TOX2: variants seen among roughly 807,000 people sequenced by gnomAD.
TOX2 encodes the protein granulosa cell HMG box 1.
Under a neutral mutation model 47.4 loss-of-function variants are expected in TOX2, and 15 were observed. That is an observed-to-expected ratio of 0.32 (90% CI 0.21 to 0.49). The LOEUF (loss-of-function observed/expected upper bound fraction) is 0.49. Among genes scored for constraint, TOX2 ranks in the 20% least tolerant of loss-of-function variants. The pLI is 0.99. For missense variants in TOX2, 622 were observed against 673.1 expected, an observed-to-expected ratio of 0.92 and a Z score of 0.84; for synonymous variants, 290 against 296.6, an observed-to-expected ratio of 0.98 and a Z score of 0.23.
intron 1 of TOX2, among the ~76,000 whole-genome samples, chr20:43,964,956 C>T (rs1242359999): frequency 6.6e-6 from 1 of 152,184 alleles, no homozygotes; most frequent in African/African-American, 2.4e-5. Context: ...TGGAAAGACC[C>T]TCTGCCTTGC....
At chr20:44,014,815 C>T (rs1221280099) in intron 3 of TOX2, among the ~76,000 whole-genome samples, 1 of 152,122 alleles carries the variant, frequency 6.6e-6, no homozygotes, top group Non-Finnish European at 1.5e-5. Flanking sequence ...TGACCTGCTG[C>T]TTACCAACTT....
In TOX2 at chr20:43,995,577, G is replaced by T. The variant is rs532983637; in HGVS notation, c.166-10970G>T. Among the ~76,000 whole-genome samples the T allele has an allele frequency of 3.9e-5, 6 of 152,290 alleles. No individual in the cohort carries two copies. In the South Asian group the frequency reaches 8.3e-4, roughly 21 times the overall value. On this transcript the variant is annotated intron_variant, in intron 2 of 8. Transcript: ENST00000341197. ...GAAGGTTTGTTATATAGGTAAGCTT[G>T]TGTCGTGGGGATTTGATGTACGGAT...
Position 43,915,622 on chromosome 20 carries a change from C to T in TOX2, c.99+632C>T, listed in dbSNP as rs2145822484. The stretch of plus-strand genomic sequence containing the variant: ...GCCACACAGTCACACGCGGTCACAC[C>T]CAGGGACGGCCACACCTCGGTCATC... On this transcript the variant is annotated intron_variant, in intron 1 of 8. Coordinates refer to ENST00000341197, the MANE Select transcript of TOX2 (RefSeq NM_001098797.2). This position sits in a 1 kb window ranked among gnomAD's most constrained non-coding sequence, Gnocchi z 7.1. 6.6e-6 allele frequency among the ~76,000 whole-genome samples: 1 copy of T among 152,256 alleles called. No homozygotes were observed. Among genetic ancestry groups the T allele is most frequent in the South Asian group, 2.1e-4 (1 of 4,820 alleles).
chr20:43,927,634 TCCTTCCTC>T (rs1569003529), intron 1 of TOX2, among the ~76,000 whole-genome samples: 27 of 129,974 alleles, frequency 2.1e-4, no homozygotes, highest in African/African-American at 6.6e-4. Flanking sequence ...CCTCCTTCCT[TCCTTCCTC>T]CCCTTCCCTT....
chr20:43,950,470 T>G (rs2069543421), intron 1 of TOX2, among the ~76,000 whole-genome samples: 1 of 152,108 alleles, frequency 6.6e-6, no homozygotes, highest in Admixed American at 6.5e-5. Context: ...CAGTTGCCTC[T>G]CTGGCCTCCC....
At chr20:43,961,939 C>T (rs1223985861) in intron 1 of TOX2, among the ~76,000 whole-genome samples, 1 of 152,226 alleles carries the variant, frequency 6.6e-6, no homozygotes, top group Non-Finnish European at 1.5e-5. Context: ...AGCCCAGCTC[C>T]CTCCAGCCCC....
At chr20:43,992,108 G>A (rs1392198356) in intron 2 of TOX2, among the ~76,000 whole-genome samples, 2 of 152,334 alleles carry the variant, frequency 1.3e-5, no homozygotes, top group Non-Finnish European at 2.9e-5. Context: ...TTGAAGGGGC[G>A]AGGGAGTTGA....
chr20:44,046,456 G>A (rs1240430644), intron 3 of TOX2, among the ~76,000 whole-genome samples: 1 of 152,186 alleles, frequency 6.6e-6, no homozygotes, highest in Non-Finnish European at 1.5e-5. Flanking sequence ...TTGGAATTCT[G>A]GATGTCTACT....
chr20:43,978,037 G>T (rs1190523879), intron 2 of TOX2, among the ~76,000 whole-genome samples: 2 of 152,160 alleles, frequency 1.3e-5, no homozygotes, highest in African/African-American at 4.8e-5. Context: ...GGGAGGAGTA[G>T]CAGCGTCTGC....
chr20:43,942,843 T>G (rs2069418631), intron 1 of TOX2, among the ~76,000 whole-genome samples: 1 of 152,194 alleles, frequency 6.6e-6, no homozygotes, highest in Non-Finnish European at 1.5e-5. Flanking sequence ...CTCTCTTTGT[T>G]TTGAACCGTA....
intron 1 of TOX2, among the ~76,000 whole-genome samples, chr20:43,942,850 C>T (rs1003594076): frequency 6.6e-6 from 1 of 152,108 alleles, no homozygotes; most frequent in Non-Finnish European, 1.5e-5. Flanking sequence ...TGTTTTGAAC[C>T]GTAACCATCA....
intron 4 of TOX2, among the ~76,000 whole-genome samples, chr20:44,052,383 AGGGCCTC>A (rs538419527): frequency 2.6e-5 from 4 of 152,314 alleles, no homozygotes; most frequent in Admixed American, 2.6e-4. Flanking sequence ...GTGTTTGCCC[AGGGCCTC>A]CCAGCGAGCT....
At chr20:44,059,015 C>T (rs1014800707) in intron 5 of TOX2, among the ~76,000 whole-genome samples, 2 of 152,192 alleles carry the variant, frequency 1.3e-5, no homozygotes, top group Non-Finnish European at 2.9e-5. Context: ...AGCAATGGAT[C>T]CAAACCAAGA....
At chr20:44,031,009 G>T (rs1244906605) in intron 3 of TOX2, among the ~76,000 whole-genome samples, 1 of 152,164 alleles carries the variant, frequency 6.6e-6, no homozygotes, top group East Asian at 1.9e-4. Context: ...TTGAGGAAGG[G>T]TGGGGAGACA....
intron 1 of TOX2, among the ~76,000 whole-genome samples, chr20:43,957,322 C>G (rs773322252): frequency 6.6e-6 from 1 of 152,204 alleles, no homozygotes; most frequent in Non-Finnish European, 1.5e-5. Flanking sequence ...ATATAATTAG[C>G]CCTTGTCTCT....
chr20:44,052,641 A>G (rs2071535597), intron 4 of TOX2, among the ~76,000 whole-genome samples: 1 of 152,232 alleles, frequency 6.6e-6, no homozygotes, highest in African/African-American at 2.4e-5. Flanking sequence ...CTCTAAACAC[A>G]TAACAAGTAT....
At chr20:44,018,294 G>A (rs565323480) in intron 3 of TOX2, among the ~76,000 whole-genome samples, 2 of 152,248 alleles carry the variant, frequency 1.3e-5, no homozygotes, top group African/African-American at 4.8e-5. Context: ...CAGAGCACTC[G>A]AGGCTGAGTG....
chr20:44,054,248 G>A lies in TOX2; in HGVS notation c.652-51G>A, dbSNP rs138839996. ...CCCAAGTCTGTGTTGATCGCCTTTG[G>A]CAGGAGGCCCTTGGGCTTCTTTGGT... On this transcript the variant is annotated intron_variant, in intron 4 of 8. Transcript: ENST00000341197. 4.0e-5 allele frequency: 62 copies of A among 1,552,864 alleles called. No homozygotes were observed. In the African/African-American group the frequency reaches 7.7e-4, roughly 19 times the overall value.
chr20:44,002,302 C>T (rs2070597874), intron 2 of TOX2, among the ~76,000 whole-genome samples: 1 of 152,160 alleles, frequency 6.6e-6, no homozygotes, highest in Non-Finnish European at 1.5e-5. Context: ...TTACCTTTTG[C>T]TTGTGTCCCT....
Sources: allele counts gnomAD v4.1 joint callset (sites outside exome capture counted in the v4.1 genomes callset), GRCh38; gene constraint gnomAD v4.1.1; non-coding constraint Gnocchi (gnomAD v3.1); transcripts MANE v1.5; gene names NCBI Gene and HGNC (gene_info 2026-07-23, HGNC 2026-07-21).